The following GPC5 variants were observed in gnomAD, a reference collection of about 807,000 sequenced individuals.
GPC5 encodes the protein glypican-5.
In GPC5, 47 loss-of-function variants were observed where a neutral mutation model predicts 53.9. The observed-to-expected ratio is 0.87, with a 90% CI of 0.69 to 1.11. GPC5 has a LOEUF of 1.11. Among genes scored for constraint, GPC5 ranks in the 50% most tolerant of loss-of-function variants. The pLI, the probability that GPC5 is intolerant of heterozygous loss-of-function variation, is 0.00. For missense variants in GPC5, 748 were observed against 713.1 expected (o/e 1.05, Z -0.56); for synonymous variants, 286 against 263.3 (o/e 1.09, Z -0.84).
rs78223422 is a variant in GPC5, at chr13:92,032,754, G to A, written c.1402-112076G>A. Among the ~76,000 whole-genome samples the A allele has an allele frequency of 6.0e-4, 92 of 152,208 alleles. 1 individual carries two copies. Among genetic ancestry groups the A allele is most frequent in the African/African-American group, 2.1e-3 (89 of 41,530 alleles). ...TCTTACCAGACAGCAATGGAACGAC[G>A]CTAAAGTCCTTAACATGGCCAAGGA... On this transcript the variant is annotated intron_variant, in intron 6 of 7. Transcript: ENST00000377067.
chr13:91,885,211 C>T (rs995686152), intron 5 of GPC5, among the ~76,000 whole-genome samples: 5 of 151,920 alleles, frequency 3.3e-5, no homozygotes, highest in Non-Finnish European at 7.4e-5. Flanking sequence ...ATGGATATAC[C>T]GTCTCTTTGT....
intron 6 of GPC5, among the ~76,000 whole-genome samples, chr13:91,914,370 T>C (rs1345757255): frequency 1.3e-5 from 2 of 152,160 alleles, no homozygotes; most frequent in African/African-American, 2.4e-5. Context: ...TTTTATTTCC[T>C]TAAACCTAAC....
chr13:91,478,878 ACAT>A (rs1265652818), intron 2 of GPC5, among the ~76,000 whole-genome samples: 1 of 37,970 alleles, frequency 2.6e-5, no homozygotes, highest in African/African-American at 1.0e-4. Flanking sequence ...ATATATATAC[ACAT>A]TATATATATA....
intron 2 of GPC5, among the ~76,000 whole-genome samples, chr13:91,594,340 A>T (rs1026569886): frequency 6.6e-6 from 1 of 152,192 alleles, no homozygotes; most frequent in Admixed American, 6.5e-5. Context: ...GTATGGTCTC[A>T]TTATTTCTAT....
intron 6 of GPC5, among the ~76,000 whole-genome samples, chr13:91,937,797 G>A (rs2039885130): frequency 6.6e-6 from 1 of 152,022 alleles, no homozygotes; most frequent in Non-Finnish European, 1.5e-5. Context: ...GTGTAAAATA[G>A]CAATGGCTCA....
chr13:92,069,496 T>C (rs147449911), intron 6 of GPC5, among the ~76,000 whole-genome samples: 6 of 152,058 alleles, frequency 3.9e-5, no homozygotes, highest in African/African-American at 1.2e-4. Context: ...TATACATCTA[T>C]ATACAAATGC....
chr13:91,487,374 G>T (rs147821155), intron 2 of GPC5, among the ~76,000 whole-genome samples: 1 of 152,100 alleles, frequency 6.6e-6, no homozygotes, highest in Non-Finnish European at 1.5e-5. Context: ...ATTTCAATGC[G>T]CCTCAGAGAC....
intron 6 of GPC5, among the ~76,000 whole-genome samples, chr13:91,965,991 C>T (rs1187949332): frequency 3.3e-5 from 5 of 152,146 alleles, no homozygotes; most frequent in Non-Finnish European, 7.3e-5. Flanking sequence ...TCTATTGGCA[C>T]ATGATAGAAT....
chr13:92,336,989 T>C (rs1258510093), intron 7 of GPC5, among the ~76,000 whole-genome samples: 1 of 152,078 alleles, frequency 6.6e-6, no homozygotes, highest in African/African-American at 2.4e-5. Context: ...TTCACTATCA[T>C]GAGAACAGCA....
chr13:91,971,349 TTC>T (rs1394850254), intron 6 of GPC5, among the ~76,000 whole-genome samples: 2 of 152,110 alleles, frequency 1.3e-5, no homozygotes, highest in Non-Finnish European at 2.9e-5. Flanking sequence ...TATTTGATTC[TTC>T]TCTCTTTTCT....
At chr13:92,146,129 T>C (rs1394978305) in intron 7 of GPC5, among the ~76,000 whole-genome samples, 3 of 152,168 alleles carry the variant, frequency 2.0e-5, no homozygotes, top group Admixed American at 6.6e-5. Context: ...TGAGAATTGG[T>C]GCACTTGAGC....
At chr13:91,912,779 G>A (rs12429463) in intron 6 of GPC5, among the ~76,000 whole-genome samples, 8,328 of 152,186 alleles carry the variant, frequency 0.055, 433 homozygotes, top group East Asian at 0.25. Flanking sequence ...ATCAGTAGAC[G>A]TAAAATATTT....
chr13:91,478,042 C>T (rs1555312445), intron 2 of GPC5, among the ~76,000 whole-genome samples: 8 of 151,228 alleles, frequency 5.3e-5, no homozygotes, highest in Non-Finnish European at 1.0e-4. Flanking sequence ...GAAAAAAAAA[C>T]AGATTCATAT....
At chr13:91,934,221 A>G (rs1272131905) in intron 6 of GPC5, among the ~76,000 whole-genome samples, 2 of 151,954 alleles carry the variant, frequency 1.3e-5, no homozygotes, top group African/African-American at 4.8e-5. Context: ...GTTAAAAGAG[A>G]GGTTGGCAAT....
chr13:92,587,115 A>G (rs1029791005), intron 7 of GPC5, among the ~76,000 whole-genome samples: 3 of 152,126 alleles, frequency 2.0e-5, no homozygotes, highest in South Asian at 2.1e-4. Context: ...TGAGAAGATA[A>G]CTGTTATTGT....
intron 2 of GPC5, among the ~76,000 whole-genome samples, chr13:91,503,324 A>G (rs1884750028): frequency 6.6e-6 from 1 of 152,312 alleles, no homozygotes; most frequent in South Asian, 2.1e-4. Flanking sequence ...AAGAATCATC[A>G]ATAACTCTGC....
At chr13:92,465,187 A>C (rs1317805229) in intron 7 of GPC5, among the ~76,000 whole-genome samples, 1 of 152,056 alleles carries the variant, frequency 6.6e-6, no homozygotes, top group East Asian at 1.9e-4. Context: ...TATTTATTTG[A>C]GGCATGAGAA....
At chr13:91,404,582 G>A (rs1414014213) in intron 1 of GPC5, among the ~76,000 whole-genome samples, 1 of 152,114 alleles carries the variant, frequency 6.6e-6, no homozygotes, top group Non-Finnish European at 1.5e-5. Flanking sequence ...TTTCACTAAT[G>A]AGATTGCCCA....
intron 6 of GPC5, among the ~76,000 whole-genome samples, chr13:91,941,087 G>T (rs1258907042): frequency 6.6e-6 from 1 of 151,926 alleles, no homozygotes; most frequent in Non-Finnish European, 1.5e-5. Flanking sequence ...GTTAAGAAGG[G>T]TATCACGTAC....
Sources: gnomAD v4.1 joint callset for allele counts (sites outside exome capture counted in the v4.1 genomes callset) on GRCh38, gnomAD v4.1.1 for gene constraint, MANE v1.5 for transcripts, NCBI Gene and HGNC (gene_info 2026-07-23, HGNC 2026-07-21) for gene names.